The following GNB5 variants were observed in gnomAD, a reference collection of about 807,000 sequenced individuals.
GNB5 encodes G protein subunit beta 5, also known as guanine nucleotide-binding protein subunit beta-5.
A neutral mutation model predicts 55.3 loss-of-function variants in GNB5; 37 were observed. The ratio of observed to expected loss-of-function variants is 0.67; its 90% CI spans 0.51 to 0.88. The LOEUF (loss-of-function observed/expected upper bound fraction) is 0.88, where lower values mean the gene tolerates loss of function less well. GNB5 is among the 40% of genes least tolerant of loss of function. GNB5 has a pLI of 0.00. For synonymous variants in GNB5, 219 were observed against 198.5 expected (o/e 1.10, Z -0.87); for missense variants, 476 against 515.3 (o/e 0.92, Z 0.74).
rs1484389877 is a variant in GNB5, at chr15:52,115,100, T to C, written c.*7657A>G. ...CCTTATTAATCAGTGAGTTAAAAGC[T>C]TGGATACATGTTCATGTTTTATTTG... On this transcript the variant is annotated 3_prime_UTR_variant, in exon 13 of 13. Transcript: ENST00000261837. The C allele has an allele frequency of 1.3e-5, 2 of 152,248 alleles. No homozygotes were observed. The highest frequency in any genetic ancestry group is 4.8e-5 in the African/African-American group (2 of 41,462). The allele number at this position is 152,248 out of a possible 1,614,324, so 9.4% of individuals were successfully genotyped here.
At chr15:52,167,918 T>A (rs1284829799) in intron 3 of GNB5, among the ~76,000 whole-genome samples, 4 of 152,142 alleles carry the variant, frequency 2.6e-5, no homozygotes, top group African/African-American at 9.7e-5. Context: ...ATTACCTCGA[T>A]AAGACAGAGA....
chr15:52,131,662 A>G (rs1157844150), intron 9 of GNB5, among the ~76,000 whole-genome samples: 1 of 152,234 alleles, frequency 6.6e-6, no homozygotes, highest in Non-Finnish European at 1.5e-5. Flanking sequence ...CACAGTTACA[A>G]TAAGTGAGTC....
intron 12 of GNB5, among the ~76,000 whole-genome samples, chr15:52,123,987 A>C (rs2033345708): frequency 7.1e-6 from 1 of 141,258 alleles, no homozygotes; most frequent in African/African-American, 2.8e-5. Context: ...CATTTCCAAG[A>C]TTAAGCTATA....
intron 7 of GNB5, chr15:52,140,159 C>T (rs924280962): frequency 8.5e-6 from 2 of 234,004 alleles, no homozygotes; most frequent in Non-Finnish European, 1.7e-5. Context: ...ACCTGACCTC[C>T]CTGCCTCTAA....
At position 52,119,464 on chromosome 15, in the gene GNB5, GGAGGGAGGGGGAAATGGGAGA is replaced by G. The variant is rs1312330291; in HGVS notation, c.*3272_*3292del. The G allele has an allele frequency of 1.0e-5, 1 of 100,500 alleles. No individual in the cohort carries two copies. The highest frequency in any genetic ancestry group is 2.1e-5 in the Non-Finnish European group (1 of 47,200). 6.2% of individuals were successfully genotyped at this position (100,500 alleles called of 1,614,324 possible). ...GGAGGGAGGGAGGAGGAGATGGGAG[GGAGGGAGGGGGAAATGGGAGA>G]GAGGGAGGAGAGAGGGAGGAGGAGG... is the stretch of plus-strand genomic sequence containing the variant. On this transcript the variant is annotated 3_prime_UTR_variant, in exon 13 of 13. Coordinates refer to ENST00000261837, the MANE Select transcript of GNB5 (RefSeq NM_016194.4).
At chr15:52,136,113 A>AACACAC (rs751263225) in intron 7 of GNB5, among the ~76,000 whole-genome samples, 2,785 of 50,618 alleles carry the variant, frequency 0.055, 185 homozygotes, top group East Asian at 0.076. Context: ...AAAAGCAGAA[A>AACACAC]ACACACACAC....
chr15:52,131,814 A>G (rs2033584035), intron 9 of GNB5, among the ~76,000 whole-genome samples: 1 of 152,262 alleles, frequency 6.6e-6, no homozygotes. Context: ...AGTTCTGAGT[A>G]TAATGAAAAT....
intron 3 of GNB5, among the ~76,000 whole-genome samples, chr15:52,177,104 G>A (rs113516304): frequency 1.4e-5 from 2 of 140,932 alleles, no homozygotes; most frequent in East Asian, 2.1e-4. Context: ...GCAAGATCTC[G>A]GCTCACTGCA....
In GNB5 at chr15:52,126,117, G is replaced by A. The variant is rs2033420407; in HGVS notation, c.913-73C>T. 5 of 739,482 alleles carry A rather than the reference G, an allele frequency of 6.8e-6. No individual in the cohort carries two copies. The East Asian group carries it at 1.3e-4, about 19-fold the overall frequency. The allele number at this position is 739,482 out of a possible 1,614,324, so 45.8% of individuals were successfully genotyped here. A position where few individuals can be genotyped will look rare whatever the true frequency, so the allele number is the denominator to read the frequency against. On this transcript the variant is annotated intron_variant, in intron 10 of 12. Coordinates refer to ENST00000261837, the MANE Select transcript of GNB5 (RefSeq NM_016194.4). ...GTGACGTGATGACCACAGAGCTACAGGTAGGTGCTAGTGACTTGCGTAGTT... is the reference window on the plus strand; with the variant it reads ...GTGACGTGATGACCACAGAGCTACAAGTAGGTGCTAGTGACTTGCGTAGTT...
chr15:52,153,846 A>G, intron 4 of GNB5, 94 bp downstream of exon 4: 1 of 1,083,040 alleles, frequency 9.2e-7, no homozygotes, highest in Non-Finnish European at 1.3e-6. Context: ...AGTCACAAAG[A>G]TCAGAAAAGG....
At chr15:52,137,017 T>C in intron 7 of GNB5, 1 of 454,306 alleles carries the variant, frequency 2.2e-6, no homozygotes, top group South Asian at 1.6e-5. Context: ...TCAAAGACTG[T>C]TCGCTTGCTG....
intron 3 of GNB5, among the ~76,000 whole-genome samples, chr15:52,154,785 A>G (rs1191889687): frequency 6.6e-6 from 1 of 152,120 alleles, no homozygotes; most frequent in Non-Finnish European, 1.5e-5. Context: ...TTACTGAAAA[A>G]CCTAGTGTCC....
rs117312175 is a variant in GNB5, at chr15:52,172,306, A to G, written c.238+7462T>C. ...ACACCATCATGCCTGGCTAATTTTT[A>G]TTTTTTTATTTTTATTTTTTTGAGA... is the stretch of plus-strand genomic sequence containing the variant. On this transcript the variant is annotated intron_variant, in intron 3 of 12. Coordinates refer to ENST00000261837, the MANE Select transcript of GNB5 (RefSeq NM_016194.4). Among the ~76,000 whole-genome samples, 741 of 151,060 alleles carry G rather than the reference A, an allele frequency of 4.9e-3. 18 individuals carry two copies. The highest frequency in any genetic ancestry group is 0.026 in the Admixed American group (397 of 15,174).
intron 5 of GNB5, 50 bp from the exon 6 acceptor site, chr15:52,147,585 T>C (rs2034004210): frequency 1.9e-6 from 2 of 1,031,386 alleles, no homozygotes; most frequent in African/African-American, 1.7e-5. Context: ...CAAAAATCTT[T>C]TTTTTTTTTC....
At chr15:52,151,146 A>G (rs1377595448) in intron 4 of GNB5, among the ~76,000 whole-genome samples, 1 of 152,136 alleles carries the variant, frequency 6.6e-6, no homozygotes, top group Non-Finnish European at 1.5e-5. Flanking sequence ...ATTCTGCCTA[A>G]ATGGCCACAC....
chr15:52,146,105 C>T (rs978634333), intron 6 of GNB5, among the ~76,000 whole-genome samples: 2 of 151,834 alleles, frequency 1.3e-5, no homozygotes, highest in Non-Finnish European at 2.9e-5. Context: ...TACAGGCACC[C>T]GCCACCGTGC....
At chr15:52,162,518 C>A (rs2034356624) in intron 3 of GNB5, among the ~76,000 whole-genome samples, 1 of 152,146 alleles carries the variant, frequency 6.6e-6, no homozygotes, top group Non-Finnish European at 1.5e-5. Context: ...TACTCTGAAA[C>A]CGACTGCAAA....
intron 3 of GNB5, among the ~76,000 whole-genome samples, chr15:52,158,628 G>A (rs1319748546): frequency 6.6e-6 from 1 of 151,266 alleles, no homozygotes; most frequent in African/African-American, 2.4e-5. Context: ...CCTACTTTCT[G>A]ATCCAAGGAG....
chr15:52,165,027 T>C (rs552683768), intron 3 of GNB5, among the ~76,000 whole-genome samples: 34 of 152,244 alleles, frequency 2.2e-4, no homozygotes, highest in Middle Eastern at 3.4e-3. Context: ...AATGACCTGA[T>C]GGGGCTGAAA....
Sources: allele counts gnomAD v4.1 joint callset (sites outside exome capture counted in the v4.1 genomes callset), GRCh38; gene constraint gnomAD v4.1.1; transcripts MANE v1.5; gene names NCBI Gene and HGNC (gene_info 2026-07-23, HGNC 2026-07-21).